The following CENPP variants were observed in gnomAD, a reference collection of about 807,000 sequenced individuals.
The protein encoded by CENPP is centromere protein P.
Under a neutral mutation model 35.6 loss-of-function variants are expected in CENPP, and 24 were observed. That is an observed-to-expected ratio of 0.67 (90% CI 0.49 to 0.95). The LOEUF (loss-of-function observed/expected upper bound fraction) is 0.95, where lower values mean the gene tolerates loss of function less well. Ranked by LOEUF, CENPP falls within the 40% of genes least tolerant of loss-of-function variation. The probability of loss-of-function intolerance (pLI) is 0.00; values close to 1 mark genes in which losing one functional copy is unlikely to be tolerated. For synonymous variants in CENPP, 120 were observed against 125.5 expected (o/e 0.96, Z 0.29); for missense variants, 332 against 345.3 (o/e 0.96, Z 0.31).
At chr9:92,385,761 G>T in intron 5 of CENPP, 6 of 1,614,044 alleles carry the variant, frequency 3.7e-6, no homozygotes, top group Non-Finnish European at 5.1e-6. Context: ...TGCAGAATGT[G>T]TCATCTGTAA....
At chr9:92,403,502 C>A in intron 5 of CENPP, 1 of 1,479,508 alleles carries the variant, frequency 6.8e-7, no homozygotes, top group East Asian at 2.3e-5. Flanking sequence ...AAAATTCAGA[C>A]CATCGAAGCA....
At chr9:92,608,747 T>A (rs575522175) in intron 5 of CENPP, among the ~76,000 whole-genome samples, 9 of 152,370 alleles carry the variant, frequency 5.9e-5, no homozygotes, top group African/African-American at 2.2e-4. Context: ...ATGCACTGAA[T>A]GCCTGACCTC....
At chr9:92,595,619 G>A (rs539795883) in intron 5 of CENPP, among the ~76,000 whole-genome samples, 3 of 151,622 alleles carry the variant, frequency 2.0e-5, no homozygotes, top group East Asian at 1.9e-4. Context: ...AGGCTGGAGT[G>A]CAGTGGCACC....
chr9:92,408,043 A>T (rs1564304804), intron 5 of CENPP, among the ~76,000 whole-genome samples: 1 of 152,224 alleles, frequency 6.6e-6, no homozygotes, highest in South Asian at 2.1e-4. Flanking sequence ...CTTAATTCTG[A>T]TAGAGACCAT....
At chr9:92,512,265 A>G (rs1008325317) in intron 5 of CENPP, 1 of 484,264 alleles carries the variant, frequency 2.1e-6, no homozygotes, top group Non-Finnish European at 3.7e-6. Context: ...GACAGAATAT[A>G]TATTATATAA....
At chr9:92,500,807 G>A (rs138868045) in intron 5 of CENPP, 4 of 1,614,042 alleles carry the variant, frequency 2.5e-6, no homozygotes, top group Non-Finnish European at 3.4e-6. Context: ...TTAAGTCATT[G>A]TGATCCAGAA....
intron 5 of CENPP, among the ~76,000 whole-genome samples, chr9:92,577,749 A>G (rs1850318268): frequency 1.3e-5 from 2 of 152,208 alleles, no homozygotes; most frequent in Admixed American, 1.3e-4. Context: ...CAGGAGTTCA[A>G]GTCTGGCCCG....
At chr9:92,378,279 C>G (rs1202096996) in intron 4 of CENPP, among the ~76,000 whole-genome samples, 1 of 152,140 alleles carries the variant, frequency 6.6e-6, no homozygotes, top group African/African-American at 2.4e-5. Flanking sequence ...TCCTTTTTGG[C>G]ATTGGGGTTC....
chr9:92,551,901 A>G (rs917406296), intron 5 of CENPP, among the ~76,000 whole-genome samples: 1 of 135,030 alleles, frequency 7.4e-6, no homozygotes, highest in Non-Finnish European at 1.6e-5. Context: ...AGTTAACAGC[A>G]TTTGTTATAT....
At chr9:92,557,215 G>C (rs562069220) in intron 5 of CENPP, among the ~76,000 whole-genome samples, 27 of 152,282 alleles carry the variant, frequency 1.8e-4, no homozygotes, top group African/African-American at 6.5e-4. Context: ...GTTTTCCTTT[G>C]TAGGTTACCT....
rs377721770 is a variant in CENPP at position 92,326,073 on chromosome 9, A to C, written c.75A>C (p.Pro25=). The change falls in exon 1 of 8, where the codon CCA becomes CCC. Residue 25 remains proline (P), a synonymous_variant. Transcript: ENST00000375587. ...CCCTGCGGCGAGCGTGTGAGGACCC[A>C]CCGGCGCCCTGGGAAGAGAAGTCCC... The part of the protein sequence containing the change: ...IAALRRACED[P]PAPWEEKSRV... The C allele has an allele frequency of 7.0e-6, 11 of 1,560,534 alleles. No individual in the cohort carries two copies. In the African/African-American group the frequency reaches 1.5e-4, roughly 21 times the overall value.
intron 5 of CENPP, among the ~76,000 whole-genome samples, chr9:92,572,797 C>A (rs1378355735): frequency 2.0e-5 from 3 of 152,082 alleles, no homozygotes; most frequent in Admixed American, 6.6e-5. Flanking sequence ...TCTTTTTATT[C>A]TTTTTTTCTC....
At chr9:92,420,226 A>G (rs1405401880) in intron 5 of CENPP, among the ~76,000 whole-genome samples, 2 of 152,026 alleles carry the variant, frequency 1.3e-5, no homozygotes, top group Non-Finnish European at 2.9e-5. Context: ...TAATTCTCCA[A>G]TTTCCGTGGA....
chr9:92,394,549 C>T (rs1240840454), intron 5 of CENPP, among the ~76,000 whole-genome samples: 1 of 151,706 alleles, frequency 6.6e-6, no homozygotes, highest in East Asian at 1.9e-4. Flanking sequence ...TCACACCTGA[C>T]CTATTTTGAT....
intron 5 of CENPP, among the ~76,000 whole-genome samples, chr9:92,497,314 A>G (rs954935628): frequency 6.6e-6 from 1 of 150,832 alleles, no homozygotes; most frequent in Non-Finnish European, 1.5e-5. Flanking sequence ...GGGGAGTGAT[A>G]TACTGATACT....
intron 5 of CENPP, among the ~76,000 whole-genome samples, chr9:92,601,209 A>G (rs1850908693): frequency 6.6e-6 from 1 of 152,204 alleles, no homozygotes; most frequent in South Asian, 2.1e-4. Flanking sequence ...AATAGAGTCT[A>G]GAAAAACTGG....
At chr9:92,387,981 C>T (rs1230015835) in intron 5 of CENPP, among the ~76,000 whole-genome samples, 1 of 151,142 alleles carries the variant, frequency 6.6e-6, no homozygotes, top group African/African-American at 2.4e-5. Context: ...CCAGGCTGGT[C>T]TCGAACTCTT....
intron 5 of CENPP, chr9:92,496,501 T>G (rs1165559419): frequency 6.2e-7 from 1 of 1,604,468 alleles, no homozygotes; most frequent in Admixed American, 1.7e-5. Flanking sequence ...AAAATAGACA[T>G]GCAAGTCACA....
chr9:92,580,209 T>C (rs1274401331), intron 5 of CENPP, among the ~76,000 whole-genome samples: 1 of 152,098 alleles, frequency 6.6e-6, no homozygotes, highest in Non-Finnish European at 1.5e-5. Context: ...TTTGCCAGTA[T>C]TTTATTGAGG....
Sources: allele counts gnomAD v4.1 joint callset (sites outside exome capture counted in the v4.1 genomes callset), GRCh38; gene constraint gnomAD v4.1.1; transcripts MANE v1.5; gene names NCBI Gene and HGNC (gene_info 2026-07-23, HGNC 2026-07-21).